Variants in ANKRD2 observed in about 807,000 individuals in gnomAD.
The protein encoded by ANKRD2 is ankyrin repeat domain 2, also known as ankyrin repeat domain-containing protein 2.
A neutral mutation model predicts 37.3 loss-of-function variants in ANKRD2; 35 were observed. That is an observed-to-expected ratio of 0.94 (90% CI 0.72 to 1.24). The LOEUF (loss-of-function observed/expected upper bound fraction) is 1.24, where lower values mean the gene tolerates loss of function less well. Ranked by LOEUF, ANKRD2 falls within the 50% of genes most tolerant of loss-of-function variation. ANKRD2 has a pLI of 0.00. For missense variants in ANKRD2, 410 were observed against 445.6 expected (o/e 0.92, Z 0.72); for synonymous variants, 159 against 186.5 (o/e 0.85, Z 1.20).
upstream of ANKRD2, chr10:97,572,678 AGGC>A: frequency 6.3e-7 from 1 of 1,580,896 alleles, no homozygotes; most frequent in Non-Finnish European, 8.6e-7. Context: ...CAGGTGGGGG[AGGC>A]AGGTGGAGAA....
intron 4 of ANKRD2, among the ~76,000 whole-genome samples, chr10:97,579,403 C>G (rs1403427508): frequency 1.3e-5 from 2 of 149,410 alleles, no homozygotes; most frequent in Admixed American, 1.3e-4. Context: ...GCCTCTTGGG[C>G]TCAAGCAATC....
chr10:97,572,532 C>T (rs568513038), upstream of ANKRD2: 99 of 755,046 alleles, frequency 1.3e-4, no homozygotes, highest in African/African-American at 1.3e-3. Flanking sequence ...AGAGGCTGGA[C>T]GGGCTCCTTC....
Position 97,583,629 on chromosome 10 carries a change from C to T in ANKRD2, c.906C>T (p.His302=), listed in dbSNP as rs375635271. ...LVQLWQADTR[H]ALEHPEPGAE... is the part of the protein sequence containing the mutation. ...AGCTCTGGCAGGCTGATACCCGGCA[C>T]GCCCTGGAGCATCCTGAGCCGGGGG... is the stretch of plus-strand genomic sequence containing the variant. Residue 302 remains histidine (H), a synonymous_variant, in exon 9 of 9, where the codon CAC becomes CAT. Transcript: ENST00000370655. 63 of 1,605,794 alleles carry T rather than the reference C, an allele frequency of 3.9e-5. No individual in the cohort carries two copies. Among genetic ancestry groups the T allele is most frequent in the Non-Finnish European group, 5.2e-5 (61 of 1,176,810 alleles).
At chr10:97,580,825 G>T (rs1361681110) in intron 4 of ANKRD2, 30 bp from the exon 5 acceptor site, 1 of 1,560,530 alleles carries the variant, frequency 6.4e-7, no homozygotes, top group Non-Finnish European at 8.8e-7. Flanking sequence ...GGAGCCAGAG[G>T]CCAGGCCCTG....
intron 2 of ANKRD2, 96 bp from the exon 3 acceptor site, chr10:97,578,144 G>GGGGCCCCCCA: frequency 1.5e-6 from 1 of 685,446 alleles, no homozygotes; most frequent in Non-Finnish European, 2.5e-6. Context: ...GGGTCTTCCT[G>GGGGCCCCCCA]CCCACCCCAC....
upstream of ANKRD2, chr10:97,572,705 CT>C: frequency 6.2e-7 from 1 of 1,602,260 alleles, no homozygotes; most frequent in Non-Finnish European, 8.5e-7. Context: ...GGCCAGTGAG[CT>C]CATGGCAAAG....
upstream of ANKRD2, chr10:97,572,719 G>GC (rs1564747835): frequency 1.9e-6 from 3 of 1,604,488 alleles, no homozygotes; most frequent in South Asian, 1.1e-5. Flanking sequence ...TGGCAAAGGC[G>GC]CCCAGCTGGG....
At position 97,580,923 on chromosome 10, in the gene ANKRD2, TA is replaced by T; in HGVS notation, c.527del (p.Asn176MetfsTer25). 4 of 1,605,000 alleles carry T rather than the reference TA, an allele frequency of 2.5e-6. No individual in the cohort carries two copies. Among genetic ancestry groups the T allele is most frequent in the Non-Finnish European group, 3.4e-6 (4 of 1,175,988 alleles). On this transcript the variant is annotated frameshift_variant, in exon 5 of 9. Coordinates refer to ENST00000370655, the MANE Select transcript of ANKRD2 (RefSeq NM_001346793.2). LOFTEE classifies it high-confidence loss of function. ...HMEILEKLLD[N>X]GATVDFQDRL... ...TGGAAATCCTGGAGAAGCTTCTAGA[TA>T]ATGGGGCCACTGTGGACTTCCAGGA...
intron 1 of ANKRD2, among the ~76,000 whole-genome samples, chr10:97,575,741 T>C (rs1299904905): frequency 6.6e-6 from 1 of 152,142 alleles, no homozygotes; most frequent in Non-Finnish European, 1.5e-5. Flanking sequence ...GAACCCTGTC[T>C]CTACTAAAAT....
chr10:97,575,961 G>A (rs569621634), intron 1 of ANKRD2, among the ~76,000 whole-genome samples: 1 of 151,700 alleles, frequency 6.6e-6, no homozygotes. Context: ...TCCCTGAGGA[G>A]CCCAGCCAGA....
Position 97,572,829 on chromosome 10 carries a change from C to T in ANKRD2, c.41C>T (p.Ala14Val). ...GAGGACTCCGAGGCGGTGCAGAGGG[C>T]CACAGCGCTCATCGAGCAGCGGCTG... ...TMEDSEAVQR[A>V]TALIEQRLAQ... Residue 14 changes from alanine (A) to valine (V), a missense_variant, in exon 1 of 9, where the codon GCC becomes GTC. Physicochemically the swap from Ala to Val is moderately conservative, Grantham distance 64. Transcript: ENST00000370655. 1 of 1,564,424 alleles carries T rather than the reference C, an allele frequency of 6.4e-7. No homozygotes were observed. Among genetic ancestry groups the T allele is most frequent in the Non-Finnish European group, 8.7e-7 (1 of 1,154,700 alleles).
Position 97,582,647 on chromosome 10 carries a change from A to C in ANKRD2, c.797A>C (p.Tyr266Ser). The C allele has an allele frequency of 6.2e-7, 1 of 1,614,178 alleles. No individual in the cohort carries two copies. The highest frequency in any genetic ancestry group is 8.5e-7 in the Non-Finnish European group (1 of 1,180,032). Residue 266 changes from tyrosine (Y) to serine (S), a missense_variant, in exon 8 of 9, where the codon TAC becomes TCC. Tyr to Ser is a moderately radical substitution (Grantham distance 144). Coordinates refer to ENST00000370655, the MANE Select transcript of ANKRD2 (RefSeq NM_001346793.2). ...ALHDAVRLNR[Y>S]KIIKLLLLHG... ...CATGACGCTGTGAGGCTCAACCGCT[A>C]CAAAATCATCAAACTGCTGCTCCTG...
At chr10:97,578,161 C>T in intron 2 of ANKRD2, 79 bp from the exon 3 acceptor site, 1 of 1,338,014 alleles carries the variant, frequency 7.5e-7, no homozygotes, top group Non-Finnish European at 1.0e-6. Context: ...CCACCCTCCC[C>T]ACCAGCTTAG....
At chr10:97,572,704 G>A (rs145461170), upstream of ANKRD2, 59 of 1,602,126 alleles carry the variant, frequency 3.7e-5, no homozygotes, top group East Asian at 9.7e-4. Context: ...GGGCCAGTGA[G>A]CTCATGGCAA....
chr10:97,578,144 G>GGCCCCCCCCA, intron 2 of ANKRD2, 96 bp from the exon 3 acceptor site: 3 of 685,442 alleles, frequency 4.4e-6, no homozygotes, highest in East Asian at 2.7e-5. Flanking sequence ...GGGTCTTCCT[G>GGCCCCCCCCA]CCCACCCCAC....
At chr10:97,575,615 C>T (rs1216758162) in intron 1 of ANKRD2, among the ~76,000 whole-genome samples, 1 of 152,126 alleles carries the variant, frequency 6.6e-6, no homozygotes, top group Non-Finnish European at 1.5e-5. Flanking sequence ...GTGACAACAA[C>T]AACAAAATTT....
Position 97,577,679 on chromosome 10 carries a change from C to A in ANKRD2, c.88-121C>A. On this transcript the variant is annotated intron_variant, in intron 1 of 8. Transcript: ENST00000370655. ...GCTCTTGCTGGGGGCTCCCCAGGAT[C>A]AGCCAGAAGGGCTCTGAGACCACCC... The A allele has an allele frequency of 6.6e-6, 5 of 753,488 alleles. No individual in the cohort carries two copies. The South Asian group carries it at 1.0e-4, about 16-fold the overall frequency. The allele number at this position is 753,488 out of a possible 1,614,324, so 46.7% of individuals were successfully genotyped here.
chr10:97,583,554 C>A, intron 8 of ANKRD2, 22 bp from the exon 9 acceptor site: 11 of 1,570,936 alleles, frequency 7.0e-6, no homozygotes, highest in South Asian at 1.2e-5. Flanking sequence ...CCAACCCCCA[C>A]GCCCCGTCCC....
In ANKRD2 at chr10:97,578,610, T is replaced by C. The variant is rs745758932; in HGVS notation, c.456+5T>C. The stretch of plus-strand genomic sequence containing the variant: ...TCAGCCGACACGTGCGACCAGGTGA[T>C]GCTCCTAGCCGCCCCTGACCAGCCT... On this transcript the variant is annotated splice_donor_5th_base_variant and intron_variant, in intron 4 of 8. Coordinates refer to ENST00000370655, the MANE Select transcript of ANKRD2 (RefSeq NM_001346793.2). 6 of 1,548,962 alleles carry C rather than the reference T, an allele frequency of 3.9e-6. No individual in the cohort carries two copies. The South Asian group carries it at 7.2e-5, about 19-fold the overall frequency.
Sources: allele counts gnomAD v4.1 joint callset (sites outside exome capture counted in the v4.1 genomes callset), GRCh38; gene constraint gnomAD v4.1.1; transcripts MANE v1.5; gene names NCBI Gene and HGNC (gene_info 2026-07-23, HGNC 2026-07-21).